Variants in MESP1 observed in about 807,000 individuals in gnomAD.
MESP1 encodes the protein mesoderm posterior bHLH transcription factor 1.
In MESP1, 22 loss-of-function variants were observed where a neutral mutation model predicts 15.2. That is an observed-to-expected ratio of 1.45 (90% CI 1.04 to 2.07). The LOEUF is 2.07. Among genes scored for constraint, MESP1 ranks in the 30% most tolerant of loss-of-function variants. The probability of loss-of-function intolerance (pLI) is 0.00; values close to 1 mark genes in which losing one functional copy is unlikely to be tolerated. For synonymous variants in MESP1, 216 were observed against 192.6 expected (o/e 1.12, Z -1.01); for missense variants, 484 against 411.9 (o/e 1.17, Z -1.51).
chr15:89,738,192 A>G, the MESP1 span: 7 of 1,613,928 alleles, frequency 4.3e-6, no homozygotes, highest in Non-Finnish European at 5.9e-6. Flanking sequence ...CCTTCCCCCA[A>G]GCACTGCCAC....
At chr15:89,737,444 G>C in the MESP1 span, 1 of 1,277,382 alleles carries the variant, frequency 7.8e-7, no homozygotes, top group Non-Finnish European at 1.1e-6. Context: ...GATGGATCCA[G>C]AGGCTGGGGC....
At chr15:89,746,705 G>A (rs1299333221), downstream of MESP1, among the ~76,000 whole-genome samples, 3 of 66,136 alleles carry the variant, frequency 4.5e-5, no homozygotes, top group South Asian at 5.7e-4. Context: ...ACACAGCCCC[G>A]CCTCCACACA....
At chr15:89,743,374 G>A in the MESP1 span, 10 of 1,614,182 alleles carry the variant, frequency 6.2e-6, no homozygotes, top group South Asian at 1.1e-4. Context: ...GCTCCAGAGA[G>A]AGAACTTCAA....
At chr15:89,734,960 TCTTC>T in the MESP1 span, among the ~76,000 whole-genome samples, 16 of 152,160 alleles carry the variant, frequency 1.1e-4, no homozygotes, top group South Asian at 2.1e-4. Context: ...CTCCAACTTG[TCTTC>T]CTTCCTTCCT....
At chr15:89,741,238 TTTTTA>T in the MESP1 span, among the ~76,000 whole-genome samples, 1 of 152,192 alleles carries the variant, frequency 6.6e-6, no homozygotes, top group Non-Finnish European at 1.5e-5. Context: ...TTTTATTTTA[TTTTTA>T]TTTTGTCTAT....
chr15:89,736,473 AAG>A, the MESP1 span, among the ~76,000 whole-genome samples: 1 of 152,102 alleles, frequency 6.6e-6, no homozygotes, highest in East Asian at 1.9e-4. Flanking sequence ...CCCCTTGTTA[AAG>A]AGAGGGAGTG....
chr15:89,733,876 C>T, the MESP1 span, among the ~76,000 whole-genome samples: 3 of 152,168 alleles, frequency 2.0e-5, no homozygotes, highest in Non-Finnish European at 2.9e-5. Context: ...CCTTCCCATC[C>T]CATACGGCCA....
downstream of MESP1, among the ~76,000 whole-genome samples, chr15:89,746,809 CCCCACCTCCACAAACACACA>C (rs1967969914): frequency 7.4e-6 from 1 of 134,648 alleles, no homozygotes; most frequent in Non-Finnish European, 1.6e-5. Context: ...ACACACACAG[CCCCACCTCCACAAACACACA>C]GCCCCGCCTC....
At chr15:89,750,341 T>C in intron 1 of MESP1, 114 bp from the exon 2 acceptor site, 2 of 1,524,194 alleles carry the variant, frequency 1.3e-6, no homozygotes, top group East Asian at 2.4e-5. Context: ...CCCAGTCCTC[T>C]GCGTGGCCTT....
chr15:89,739,640 C>T, the MESP1 span, among the ~76,000 whole-genome samples: 9 of 152,184 alleles, frequency 5.9e-5, no homozygotes, highest in African/African-American at 2.2e-4. Context: ...CCACACATTT[C>T]GGGTGGACTG....
the MESP1 span, among the ~76,000 whole-genome samples, chr15:89,736,228 G>A: frequency 6.6e-6 from 1 of 152,348 alleles, no homozygotes; most frequent in South Asian, 2.1e-4. Flanking sequence ...CCAAAGGAGA[G>A]GGAAGCGTGC....
chr15:89,747,109 C>T (rs1268559482), downstream of MESP1, among the ~76,000 whole-genome samples: 672 of 22,448 alleles, frequency 0.03, 7 homozygotes, highest in African/African-American at 0.14. Context: ...CATACACACA[C>T]ACACACACAC....
chr15:89,750,380 G>T, intron 1 of MESP1, 129 bp downstream of exon 1: 1 of 1,465,212 alleles, frequency 6.8e-7, no homozygotes, highest in African/African-American at 1.4e-5. Context: ...GGAGCCCTGG[G>T]CATACTATGG....
chr15:89,740,874 TCA>T, the MESP1 span, among the ~76,000 whole-genome samples: 1 of 151,128 alleles, frequency 6.6e-6, no homozygotes, highest in Non-Finnish European at 1.5e-5. Context: ...GCGCGGTGGC[TCA>T]CACCTGTAAT....
chr15:89,743,813 C>A, the MESP1 span, among the ~76,000 whole-genome samples: 1 of 152,174 alleles, frequency 6.6e-6, no homozygotes, highest in Non-Finnish European at 1.5e-5. Context: ...GTTTTCCCCA[C>A]CCATTTCTCC....
chr15:89,738,343 C>G, the MESP1 span: 2 of 1,367,126 alleles, frequency 1.5e-6, no homozygotes, highest in Non-Finnish European at 2.0e-6. Flanking sequence ...GAAATTTCCC[C>G]TGGCTGGGCG....
At chr15:89,738,012 C>T in the MESP1 span, 7 of 1,573,790 alleles carry the variant, frequency 4.4e-6, no homozygotes, top group Non-Finnish European at 5.2e-6. Flanking sequence ...GATTGTTACA[C>T]AGAACATGGT....
chr15:89,747,456 G>A (rs1967992740), downstream of MESP1, among the ~76,000 whole-genome samples: 1 of 152,224 alleles, frequency 6.6e-6, no homozygotes, highest in South Asian at 2.1e-4. Flanking sequence ...AGGGCGGCTG[G>A]GGACTAGTGG....
At chr15:89,747,706 G>A (rs1229125335), downstream of MESP1, among the ~76,000 whole-genome samples, 4 of 152,198 alleles carry the variant, frequency 2.6e-5, no homozygotes, top group African/African-American at 7.2e-5. Context: ...AGTCACAGCC[G>A]GGTCCAGATC....
Sources: allele counts gnomAD v4.1 joint callset (sites outside exome capture counted in the v4.1 genomes callset), GRCh38; gene constraint gnomAD v4.1.1; transcripts MANE v1.5; gene names NCBI Gene and HGNC (gene_info 2026-07-23, HGNC 2026-07-21).